The following MAP2K4 variants were observed in gnomAD, a reference collection of about 807,000 sequenced individuals.
MAP2K4 encodes the protein mitogen-activated protein kinase kinase 4.
MAP2K4 carries 4 observed loss-of-function variants against 48.5 expected under a neutral mutation model. The ratio of observed to expected loss-of-function variants is 0.08; its 90% CI spans 0.04 to 0.19. The LOEUF is 0.19. Ranked by LOEUF, MAP2K4 falls within the 10% of genes least tolerant of loss-of-function variation. The pLI, the probability that MAP2K4 is intolerant of heterozygous loss-of-function variation, is 1.00. For missense variants in MAP2K4, 258 were observed against 493.3 expected (o/e 0.52, Z 4.52); for synonymous variants, 166 against 173.1 (o/e 0.96, Z 0.32).
intron 9 of MAP2K4, among the ~76,000 whole-genome samples, chr17:12,132,735 A>T (rs778627393): frequency 2.0e-5 from 3 of 150,920 alleles, no homozygotes; most frequent in Non-Finnish European, 3.0e-5. Flanking sequence ...AGACAACAGT[A>T]TAGGTTTGAA....
chr17:12,040,903 A>G (rs1025868774), intron 1 of MAP2K4, among the ~76,000 whole-genome samples: 1 of 152,170 alleles, frequency 6.6e-6, no homozygotes, highest in African/African-American at 2.4e-5. Flanking sequence ...TTCCTGTTCC[A>G]TCATCTAACT....
rs1971714094 is a variant in MAP2K4, at chr17:12,095,647, A to G, written c.466A>G (p.Ser156Gly). The G allele has an allele frequency of 6.2e-7, 1 of 1,613,906 alleles. No homozygotes were observed. The highest frequency in any genetic ancestry group is 1.7e-5 in the Admixed American group (1 of 59,996). The change falls in exon 4 of 11, where the codon AGT becomes GGT. Residue 156 changes from serine (S) to glycine (G), a missense_variant. Coordinates refer to ENST00000353533, the MANE Select transcript of MAP2K4 (RefSeq NM_003010.4). ...GGATTTGGATGTAGTAATGCGGAGTAGTGATTGCCCATACATTGTTCAGTT... is the reference window on the plus strand; with the variant it reads ...GGATTTGGATGTAGTAATGCGGAGTGGTGATTGCCCATACATTGTTCAGTT... Reference protein sequence around the residue: ...LMDLDVVMRSSDCPYIVQFYG... With the variant: ...LMDLDVVMRSGDCPYIVQFYG...
At position 12,110,445 on chromosome 17, in the gene MAP2K4, T is replaced by A. The variant is rs781442596; in HGVS notation, c.685+19T>A. 1 of 1,567,626 alleles carries A rather than the reference T, an allele frequency of 6.4e-7. No individual in the cohort carries two copies. The highest frequency in any genetic ancestry group is 8.8e-7 in the Non-Finnish European group (1 of 1,141,298). ...CACAGAGGTGGGTATGGATTGGTAT[T>A]TTTTGTAATAGAAATTAACTTTTTT... On this transcript the variant is annotated intron_variant, in intron 6 of 10. Transcript: ENST00000353533.
intron 2 of MAP2K4, among the ~76,000 whole-genome samples, chr17:12,063,809 C>G (rs1970525642): frequency 6.6e-6 from 1 of 151,814 alleles, no homozygotes; most frequent in Non-Finnish European, 1.5e-5. Context: ...TCCATCTCTA[C>G]TAAAAATACA....
chr17:12,129,053 T>C, intron 8 of MAP2K4, 86 bp from the exon 9 acceptor site: 1 of 1,322,146 alleles, frequency 7.6e-7, no homozygotes, highest in Non-Finnish European at 1.1e-6. Context: ...GTTTTGCTTG[T>C]AGTTTAGATT....
intron 7 of MAP2K4, chr17:12,115,765 T>C: frequency 4.0e-6 from 3 of 757,808 alleles, no homozygotes; most frequent in Non-Finnish European, 7.4e-6. Context: ...TGCAAAAGAA[T>C]GGAGCTGGAT....
intron 7 of MAP2K4, among the ~76,000 whole-genome samples, chr17:12,114,948 T>C (rs1972438691): frequency 6.6e-6 from 1 of 152,228 alleles, no homozygotes; most frequent in Non-Finnish European, 1.5e-5. Context: ...TAATCTTTAC[T>C]GGACCAGATG....
intron 1 of MAP2K4, among the ~76,000 whole-genome samples, chr17:12,022,995 C>T (rs952713880): frequency 7.9e-5 from 12 of 152,094 alleles, no homozygotes; most frequent in African/African-American, 2.7e-4. Flanking sequence ...TGATGCTGTC[C>T]GTTCTCCTCA....
intron 1 of MAP2K4, among the ~76,000 whole-genome samples, chr17:12,025,519 T>G (rs1264757262): frequency 2.0e-5 from 3 of 152,204 alleles, no homozygotes; most frequent in African/African-American, 7.2e-5. Flanking sequence ...TATAATTGAT[T>G]CAGAAAAACA....
At chr17:12,088,542 T>TTATATGTAATATATAATATGTATTAAA (rs1567653682) in intron 3 of MAP2K4, among the ~76,000 whole-genome samples, 1 of 25,768 alleles carries the variant, frequency 3.9e-5, no homozygotes, top group Non-Finnish European at 1.6e-4. Context: ...ATATATTAAA[T>TTATATGTAATATATAATATGTATTAAA]TATATCTAAT....
At chr17:12,094,822 G>A (rs1017424292) in intron 3 of MAP2K4, among the ~76,000 whole-genome samples, 1 of 152,158 alleles carries the variant, frequency 6.6e-6, no homozygotes, top group African/African-American at 2.4e-5. Context: ...CTGGTCTGCA[G>A]TATATGGAGG....
chr17:12,064,944 A>C (rs371394693), intron 2 of MAP2K4, among the ~76,000 whole-genome samples: 2 of 152,204 alleles, frequency 1.3e-5, no homozygotes, highest in Non-Finnish European at 1.5e-5. Context: ...TGAGCAGAAG[A>C]AGCGAGACAC....
At chr17:12,035,854 T>C (rs888606195) in intron 1 of MAP2K4, among the ~76,000 whole-genome samples, 1 of 152,200 alleles carries the variant, frequency 6.6e-6, no homozygotes, top group Non-Finnish European at 1.5e-5. Flanking sequence ...TAATGGAAGC[T>C]CTGAAGGATT....
chr17:12,109,089 T>C (rs1567664271), intron 5 of MAP2K4, among the ~76,000 whole-genome samples: 1 of 152,124 alleles, frequency 6.6e-6, no homozygotes, highest in Non-Finnish European at 1.5e-5. Context: ...GTAAATAGTG[T>C]TACCTCATTT....
chr17:12,062,178 A>G (rs1364108898), intron 2 of MAP2K4, among the ~76,000 whole-genome samples: 3 of 151,104 alleles, frequency 2.0e-5, no homozygotes, highest in Non-Finnish European at 4.4e-5. Context: ...TGAATGCCTG[A>G]TTCTGATTAT....
In MAP2K4 at chr17:12,069,253, T is replaced by C. The variant is rs571762670; in HGVS notation, c.219-12103T>C. Among the ~76,000 whole-genome samples the C allele has an allele frequency of 2.6e-5, 4 of 152,258 alleles. No individual in the cohort carries two copies. In the East Asian group the frequency reaches 7.7e-4, roughly 29 times the overall value. ...AAGAGGTTTTAGCTGCCACTGGAAATTGGGGCCTAAACAGGGAAAGGATCT... is the reference window on the plus strand; with the variant it reads ...AAGAGGTTTTAGCTGCCACTGGAAACTGGGGCCTAAACAGGGAAAGGATCT... On this transcript the variant is annotated intron_variant, in intron 2 of 10. Transcript: ENST00000353533.
intron 2 of MAP2K4, among the ~76,000 whole-genome samples, chr17:12,078,392 G>A (rs2151545923): frequency 6.6e-6 from 1 of 152,204 alleles, no homozygotes; most frequent in Non-Finnish European, 1.5e-5. Context: ...TTTATTTTGG[G>A]GGGTACATGG....
chr17:12,059,592 G>A (rs533177825), intron 2 of MAP2K4, among the ~76,000 whole-genome samples: 1 of 152,204 alleles, frequency 6.6e-6, no homozygotes, highest in Non-Finnish European at 1.5e-5. Flanking sequence ...TAACATTTTG[G>A]GGCTTAAGAG....
intron 1 of MAP2K4, among the ~76,000 whole-genome samples, chr17:12,052,388 A>C (rs1162836230): frequency 6.6e-6 from 1 of 152,140 alleles, no homozygotes; most frequent in East Asian, 1.9e-4. Context: ...CTTTCAATTT[A>C]GTTTTTATTT....
Sources: gnomAD v4.1 joint callset for allele counts (sites outside exome capture counted in the v4.1 genomes callset) on GRCh38, gnomAD v4.1.1 for gene constraint, MANE v1.5 for transcripts, NCBI Gene and HGNC (gene_info 2026-07-23, HGNC 2026-07-21) for gene names.